UPK1B: variants seen among roughly 807,000 people sequenced by gnomAD.
UPK1B encodes the protein uroplakin 1B, also known as uroplakin-1b.
UPK1B carries 28 observed loss-of-function variants against 34.2 expected under a neutral mutation model. The ratio of observed to expected loss-of-function variants is 0.82; its 90% CI spans 0.61 to 1.12. UPK1B has a LOEUF of 1.12. Ranked by LOEUF, UPK1B falls within the 50% of genes most tolerant of loss-of-function variation. The pLI is 0.00. For missense variants in UPK1B, 325 were observed against 320.9 expected (o/e 1.01, Z -0.10); for synonymous variants, 81 against 110.4 (o/e 0.73, Z 1.67).
rs2078109361 is a variant in UPK1B at position 119,204,441 on chromosome 3, A to G, written c.*474A>G. The G allele has an allele frequency of 6.3e-6, 1 of 158,070 alleles. No homozygotes were observed. The highest frequency in any genetic ancestry group is 1.4e-5 in the Non-Finnish European group (1 of 71,542). 9.8% of individuals were successfully genotyped at this position (158,070 alleles called of 1,614,324 possible). A position where few individuals can be genotyped will look rare whatever the true frequency, so the allele number is the denominator to read the frequency against. On this transcript the variant is annotated 3_prime_UTR_variant, in exon 8 of 8. Transcript: ENST00000264234. ...AAATATACCTTTTGCATTTCTTTCT[A>G]GAGTAGCTCCCATATATGGAGATGG...
At chr3:119,191,859 T>C (rs13081519) in intron 5 of UPK1B, among the ~76,000 whole-genome samples, 139,819 of 152,114 alleles carry the variant, frequency 0.92, 64,588 homozygotes, top group Non-Finnish European at 0.97. Context: ...CCCCTTATCC[T>C]TCCTTGCCAT....
chr3:119,197,847 T>A (rs1171258501), intron 6 of UPK1B, among the ~76,000 whole-genome samples: 2 of 140,486 alleles, frequency 1.4e-5, no homozygotes, highest in Admixed American at 7.4e-5. Context: ...TCTGTCACTG[T>A]CAGGAAAGGC....
intron 1 of UPK1B, among the ~76,000 whole-genome samples, chr3:119,174,320 A>T (rs575727078): frequency 6.6e-6 from 1 of 152,256 alleles, no homozygotes; most frequent in South Asian, 2.1e-4. Flanking sequence ...TCTGCAGGAC[A>T]TAAAGATATT....
chr3:119,183,488 C>T (rs1174399195), intron 1 of UPK1B, among the ~76,000 whole-genome samples: 1 of 152,162 alleles, frequency 6.6e-6, no homozygotes, highest in Non-Finnish European at 1.5e-5. Flanking sequence ...TCTCGAACTC[C>T]TCACCTCAGG....
intron 7 of UPK1B, among the ~76,000 whole-genome samples, chr3:119,202,314 G>A (rs918379495): frequency 2.2e-4 from 33 of 152,156 alleles, no homozygotes; most frequent in African/African-American, 7.5e-4. Context: ...GATAAGCTCT[G>A]AAGCTGACTG....
chr3:119,190,113 A>C, intron 3 of UPK1B, 132 bp from the exon 4 acceptor site: 1 of 635,556 alleles, frequency 1.6e-6, no homozygotes, highest in Non-Finnish European at 2.7e-6. Flanking sequence ...CTGGTCAATG[A>C]GGGTTTGTTG....
chr3:119,189,215 G>C (rs1368429459), intron 3 of UPK1B, among the ~76,000 whole-genome samples: 3 of 152,190 alleles, frequency 2.0e-5, no homozygotes, highest in Non-Finnish European at 2.9e-5. Context: ...CAAGGCAGCA[G>C]CTAACACAGG....
At chr3:119,178,341 C>T (rs910451763) in intron 1 of UPK1B, among the ~76,000 whole-genome samples, 1 of 152,142 alleles carries the variant, frequency 6.6e-6, no homozygotes, top group African/African-American at 2.4e-5. Flanking sequence ...AGTGATGAAC[C>T]TGGCAATAGG....
rs1248981278 is a variant in UPK1B, at chr3:119,204,927, T to C, written c.*960T>C. On this transcript the variant is annotated 3_prime_UTR_variant, in exon 8 of 8. Transcript: ENST00000264234. ...CTGGGGACAGACAAGGTGCCTGTTA[T>C]ATATTTACTCAGTCTTTGCCCTGAA... The C allele has an allele frequency of 6.6e-6, 1 of 152,216 alleles. No homozygotes were observed. The highest frequency in any genetic ancestry group is 1.9e-4 in the East Asian group (1 of 5,192). 9.4% of individuals were successfully genotyped at this position (152,216 alleles called of 1,614,324 possible).
At chr3:119,203,223 C>T (rs1343116461) in intron 7 of UPK1B, among the ~76,000 whole-genome samples, 1 of 151,078 alleles carries the variant, frequency 6.6e-6, no homozygotes, top group African/African-American at 2.4e-5. Context: ...TGCCTGTAGT[C>T]CCAGCTACAC....
At chr3:119,190,500 G>GA (rs926340310) in intron 4 of UPK1B, among the ~76,000 whole-genome samples, 181 bp downstream of exon 4, 5 of 151,834 alleles carry the variant, frequency 3.3e-5, no homozygotes, top group African/African-American at 4.8e-5. Context: ...TTTGAGAAAG[G>GA]AAAAAAAATG....
chr3:119,183,301 C>T (rs1381497628), intron 1 of UPK1B, among the ~76,000 whole-genome samples: 4 of 144,532 alleles, frequency 2.8e-5, no homozygotes, highest in Non-Finnish European at 6.0e-5. Context: ...TGGAGTTTTG[C>T]TCTGTTGCCC....
At chr3:119,188,563 C>A (rs183837077) in intron 3 of UPK1B, among the ~76,000 whole-genome samples, 29 of 152,186 alleles carry the variant, frequency 1.9e-4, no homozygotes, top group Non-Finnish European at 2.6e-4. Flanking sequence ...GTAGAGTGAG[C>A]CTTCAGCTCA....
chr3:119,194,399 G>A lies in UPK1B; in HGVS notation c.648+1G>A, dbSNP rs2078057621. 6 of 1,604,192 alleles carry A rather than the reference G, an allele frequency of 3.7e-6. No individual in the cohort carries two copies. The highest frequency in any genetic ancestry group is 3.4e-6 in the Non-Finnish European group (4 of 1,176,922). ...CGTGCCTGGTTTTTATCACAATCAG[G>A]TGAGTCCTCTCTCCTCCCAAGACTT... On this transcript the variant is annotated splice_donor_variant, in intron 6 of 7. Coordinates refer to ENST00000264234, the MANE Select transcript of UPK1B (RefSeq NM_006952.4). LOFTEE classifies it high-confidence loss of function.
At chr3:119,181,860 T>C (rs548416141) in intron 1 of UPK1B, among the ~76,000 whole-genome samples, 1 of 152,262 alleles carries the variant, frequency 6.6e-6, no homozygotes, top group Non-Finnish European at 1.5e-5. Context: ...CCTTCACAGG[T>C]TGGCAATGGG....
At chr3:119,194,522 T>C (rs367833733) in intron 6 of UPK1B, 124 bp downstream of exon 6, 6 of 935,736 alleles carry the variant, frequency 6.4e-6, no homozygotes, top group Middle Eastern at 3.0e-4. Context: ...CTAAACCTCA[T>C]GTTAACTATT....
intron 1 of UPK1B, among the ~76,000 whole-genome samples, chr3:119,179,680 T>TTG (rs2077979508): frequency 6.8e-6 from 1 of 146,360 alleles, no homozygotes; most frequent in Admixed American, 6.8e-5. Flanking sequence ...CGGCTAACTT[T>TTG]GTATTTTTGG....
At chr3:119,179,527 T>TTTTTTTTTTTTTTTTG (rs1553741698) in intron 1 of UPK1B, among the ~76,000 whole-genome samples, 3 of 131,590 alleles carry the variant, frequency 2.3e-5, no homozygotes, top group South Asian at 2.4e-4. Flanking sequence ...TTTTTTTTTT[T>TTTTTTTTTTTTTTTTG]GAGACGGAGT....
At chr3:119,202,797 T>C (rs2078097881) in intron 7 of UPK1B, among the ~76,000 whole-genome samples, 1 of 152,158 alleles carries the variant, frequency 6.6e-6, no homozygotes, top group South Asian at 2.1e-4. Flanking sequence ...AAGGAATGCT[T>C]ACCCCGAAAT....
Sources: gnomAD v4.1 joint callset for allele counts (sites outside exome capture counted in the v4.1 genomes callset) on GRCh38, gnomAD v4.1.1 for gene constraint, MANE v1.5 for transcripts, NCBI Gene and HGNC (gene_info 2026-07-23, HGNC 2026-07-21) for gene names.